FOXRED1: variants seen among roughly 807,000 people sequenced by gnomAD.
The protein encoded by FOXRED1 is FAD-dependent oxidoreductase domain-containing protein 1.
In FOXRED1, 52 loss-of-function variants were observed where a neutral mutation model predicts 57.8. The ratio of observed to expected loss-of-function variants is 0.90; its 90% CI spans 0.72 to 1.13. The LOEUF (loss-of-function observed/expected upper bound fraction) is 1.13. FOXRED1 is among the 50% of genes most tolerant of loss of function. The pLI is 0.00. For synonymous variants in FOXRED1, 271 were observed against 248.3 expected, an observed-to-expected ratio of 1.09 and a Z score of -0.86; for missense variants, 589 against 625.2, an observed-to-expected ratio of 0.94 and a Z score of 0.62.
chr11:126,269,185 A>G lies in FOXRED1; in HGVS notation c.-22A>G. ...AGCGAGGCAGCAGTGCAGCTTTCAG[A>G]GGGTCCGGGCTCAGAGGGGTTATGA... On this transcript the variant is annotated 5_prime_UTR_variant, in exon 1 of 11. Transcript: ENST00000263578. The G allele has an allele frequency of 6.3e-7, 1 of 1,582,790 alleles. No homozygotes were observed. Among genetic ancestry groups the G allele is most frequent in the Non-Finnish European group, 8.7e-7 (1 of 1,152,346 alleles).
At chr11:126,276,251 G>A (rs1951132963) in intron 8 of FOXRED1, 32 bp downstream of exon 8, 2 of 1,571,368 alleles carry the variant, frequency 1.3e-6, no homozygotes, top group Non-Finnish European at 1.7e-6. Context: ...GAGGAGGTTG[G>A]TGAGAAAGAA....
rs1350690270 is a variant in FOXRED1 at position 126,275,317 on chromosome 11, CTTA to C, written c.632-8_632-6del. On this transcript the variant is annotated splice_region_variant and splice_polypyrimidine_tract_variant and intron_variant, in intron 5 of 10. Coordinates refer to ENST00000263578, the MANE Select transcript of FOXRED1 (RefSeq NM_017547.4). This position sits in a 1 kb window ranked among gnomAD's most constrained non-coding sequence, Gnocchi z 5.9. ...ATCCCTCTTTGTGAGTTCTCTTTTTCTTATCACAGGGATGGAGGACGAAGGTTG... is the reference window on the plus strand; with the variant it reads ...ATCCCTCTTTGTGAGTTCTCTTTTTCTCACAGGGATGGAGGACGAAGGTTG... 8 of 1,595,886 alleles carry C rather than the reference CTTA, an allele frequency of 5.0e-6. No individual in the cohort carries two copies. Among genetic ancestry groups the C allele is most frequent in the Middle Eastern group, 3.3e-4 (2 of 5,986 alleles).
intron 8 of FOXRED1, 67 bp downstream of exon 8, chr11:126,276,286 C>CGA: frequency 8.5e-7 from 1 of 1,173,484 alleles, no homozygotes; most frequent in Non-Finnish European, 1.2e-6. Flanking sequence ...AGTTGGATAG[C>CGA]GTGTGTGTGT....
chr11:126,269,158 A>C lies in FOXRED1; in HGVS notation c.-49A>C, dbSNP rs975816413. The C allele has an allele frequency of 6.3e-6, 9 of 1,418,660 alleles. No individual in the cohort carries two copies. Among genetic ancestry groups the C allele is most frequent in the Non-Finnish European group, 9.0e-6 (9 of 1,003,414 alleles). The allele number at this position is 1,418,660 out of a possible 1,614,324, so 87.9% of individuals were successfully genotyped here. On this transcript the variant is annotated 5_prime_UTR_variant, in exon 1 of 11. Transcript: ENST00000263578. ...GCGCGGAGCAGTGACGGCTGCGATAATAGCGAGGCAGCAGTGCAGCTTTCA... is the reference window on the plus strand; with the variant it reads ...GCGCGGAGCAGTGACGGCTGCGATACTAGCGAGGCAGCAGTGCAGCTTTCA...
Position 126,271,694 on chromosome 11 carries a change from A to G in FOXRED1, c.306+37A>G. On this transcript the variant is annotated intron_variant, in intron 2 of 10. Transcript: ENST00000263578. This position sits in a 1 kb window ranked among gnomAD's most constrained non-coding sequence, Gnocchi z 5.3. Reference sequence around the variant, plus strand: ...GGTAGGGCAGAGTCATGAGTGGGGCAAGAAAGATGACTCATTTTATTAAGG... The same window carrying G: ...GGTAGGGCAGAGTCATGAGTGGGGCGAGAAAGATGACTCATTTTATTAAGG... The G allele has an allele frequency of 6.6e-7, 1 of 1,505,698 alleles. No individual in the cohort carries two copies. Among genetic ancestry groups the G allele is most frequent in the Non-Finnish European group, 9.2e-7 (1 of 1,083,178 alleles). The allele number at this position is 1,505,698 out of a possible 1,614,324, so 93.3% of individuals were successfully genotyped here.
chr11:126,277,459 T>TA lies in FOXRED1; in HGVS notation c.1232dup (p.Tyr411Ter), dbSNP rs1466989240. ...GGTTCAGAGCGCCTGGGCCGGCTAT[T>TA]ACGACTACAACACCTTTGACCAGAA... Reference protein sequence around the residue: ...LKVQSAWAGYYDYNTFDQNGV... With the variant: ...LKVQSAWAGY The change falls in exon 11 of 11, where the codon TAC (tyrosine) becomes TAAC (stop). Residue 411 changes from tyrosine to a stop codon, truncating the protein, a stop_gained and frameshift_variant. Transcript: ENST00000263578. LOFTEE classifies it high-confidence loss of function. This position sits in a 1 kb window ranked among gnomAD's most constrained non-coding sequence, Gnocchi z 6.8. The TA allele has an allele frequency of 1.2e-6, 2 of 1,613,208 alleles. No individual in the cohort carries two copies. The highest frequency in any genetic ancestry group is 1.7e-6 in the Non-Finnish European group (2 of 1,180,024).
At chr11:126,276,311 G>GTA in intron 8 of FOXRED1, 83 bp from the exon 9 acceptor site, 2 of 1,437,398 alleles carry the variant, frequency 1.4e-6, no homozygotes, top group Non-Finnish European at 9.5e-7. Context: ...GTGTGTGTGT[G>GTA]TGTGGGGTGT....
chr11:126,276,377 C>G lies in FOXRED1; in HGVS notation c.972-17C>G, dbSNP rs369670355. On this transcript the variant is annotated splice_polypyrimidine_tract_variant and intron_variant, in intron 8 of 10. Transcript: ENST00000263578. ...CCATGCTGTTTCTGCAGTTCGTAACCGCACTGGTTGTGGCAGGTATGTGTA... is the reference window on the plus strand; with the variant it reads ...CCATGCTGTTTCTGCAGTTCGTAACGGCACTGGTTGTGGCAGGTATGTGTA... 2 of 1,041,832 alleles carry G rather than the reference C, an allele frequency of 1.9e-6. No individual in the cohort carries two copies. Among genetic ancestry groups the G allele is most frequent in the East Asian group, 1.0e-4 (1 of 9,960 alleles). The allele number at this position is 1,041,832 out of a possible 1,614,324, so 64.5% of individuals were successfully genotyped here. A position where few individuals can be genotyped will look rare whatever the true frequency, so the allele number is the denominator to read the frequency against.
Position 126,273,095 on chromosome 11 carries a change from T to C in FOXRED1, c.417+16T>C, listed in dbSNP as rs113976905. ...GAACATCAATGTAGGTGCAATGATA[T>C]CCGGGATGTTGGGGTGGTTACCCCT... is the stretch of plus-strand genomic sequence containing the variant. On this transcript the variant is annotated intron_variant, in intron 3 of 10. Coordinates refer to ENST00000263578, the MANE Select transcript of FOXRED1 (RefSeq NM_017547.4). The surrounding 1 kb of genome is among the most constrained non-coding windows in gnomAD (Gnocchi z 5.9). The C allele has an allele frequency of 0.042, 57,817 of 1,383,580 alleles. 1,480 individuals carry two copies. Among genetic ancestry groups the C allele is most frequent in the Non-Finnish European group, 0.046 (44,712 of 969,320 alleles). The allele number at this position is 1,383,580 out of a possible 1,614,324, so 85.7% of individuals were successfully genotyped here.
At position 126,271,620 on chromosome 11, in the gene FOXRED1, G is replaced by A. The variant is rs535744670; in HGVS notation, c.269G>A (p.Gly90Asp). The stretch of plus-strand genomic sequence containing the variant: ...CTGAAGAAGCTGGAGAGCAGACGAG[G>A]TGCTATTCGAGTGCTAGTGGTGGAA... ...YWLKKLESRR[G>D]AIRVLVVERD... is the part of the protein sequence containing the mutation. The change falls in exon 2 of 11, where the codon GGT (glycine) becomes GAT (aspartate). Residue 90 changes from glycine (G) to aspartate (D), a missense_variant. Gly to Asp is a moderately conservative substitution (Grantham distance 94). Coordinates refer to ENST00000263578, the MANE Select transcript of FOXRED1 (RefSeq NM_017547.4). The surrounding 1 kb of genome is among the most constrained non-coding windows in gnomAD (Gnocchi z 5.3). 1.2e-6 allele frequency: 2 copies of A among 1,614,136 alleles called. No individual in the cohort carries two copies. Among genetic ancestry groups the A allele is most frequent in the South Asian group, 2.2e-5 (2 of 91,082 alleles).
chr11:126,275,829 G>C lies in FOXRED1; in HGVS notation c.769G>C (p.Asp257His), dbSNP rs1430307744. The C allele has an allele frequency of 6.2e-7, 1 of 1,613,380 alleles. No individual in the cohort carries two copies. Among genetic ancestry groups the C allele is most frequent in the South Asian group, 1.1e-5 (1 of 91,076 alleles). Residue 257 changes from aspartate to histidine, a missense_variant, in exon 7 of 11, where the codon GAT (aspartate) becomes CAT (histidine). By Grantham distance (81) the Asp-to-His change is moderately conservative. Transcript: ENST00000263578. The surrounding 1 kb of genome is among the most constrained non-coding windows in gnomAD (Gnocchi z 5.9). ...TTCATCTCAACGCATGTTGACCACA[G>C]ATGACAAAGCGGTGGTCTTGAAAAG... The part of the protein sequence containing the change: ...VSSSQRMLTT[D>H]DKAVVLKRIH...
At position 126,271,724 on chromosome 11, in the gene FOXRED1, T is replaced by G; in HGVS notation, c.306+67T>G. 1 of 1,277,504 alleles carries G rather than the reference T, an allele frequency of 7.8e-7. No homozygotes were observed. Among genetic ancestry groups the G allele is most frequent in the Non-Finnish European group, 1.1e-6 (1 of 880,362 alleles). 79.1% of individuals were successfully genotyped at this position (1,277,504 alleles called of 1,614,324 possible). A position where few individuals can be genotyped will look rare whatever the true frequency, so the allele number is the denominator to read the frequency against. On this transcript the variant is annotated intron_variant, in intron 2 of 10. Coordinates refer to ENST00000263578, the MANE Select transcript of FOXRED1 (RefSeq NM_017547.4). The surrounding 1 kb of genome is among the most constrained non-coding windows in gnomAD (Gnocchi z 5.3). ...AGATGACTCATTTTATTAAGGACTCTAGCGACAAGGGAAGGAGAGGAGGGG... is the reference window on the plus strand; with the variant it reads ...AGATGACTCATTTTATTAAGGACTCGAGCGACAAGGGAAGGAGAGGAGGGG...
In FOXRED1 at chr11:126,273,502, G is replaced by C. The variant is rs1272410105; in HGVS notation, c.536+48G>C. On this transcript the variant is annotated intron_variant, in intron 4 of 10. Coordinates refer to ENST00000263578, the MANE Select transcript of FOXRED1 (RefSeq NM_017547.4). This position sits in a 1 kb window ranked among gnomAD's most constrained non-coding sequence, Gnocchi z 5.9. The stretch of plus-strand genomic sequence containing the variant: ...TAGCTGCTTGGCAGCCAAAGGTGTT[G>C]GGTGACTCCTGCACCAGGTTAGGAA... The C allele has an allele frequency of 1.6e-6, 2 of 1,240,324 alleles. No homozygotes were observed. Among genetic ancestry groups the C allele is most frequent in the East Asian group, 2.3e-5 (1 of 43,194 alleles). The allele number at this position is 1,240,324 out of a possible 1,614,324, so 76.8% of individuals were successfully genotyped here.
At position 126,277,170 on chromosome 11, in the gene FOXRED1, C is replaced by A; in HGVS notation, c.1201C>A (p.Leu401Met). ...LALRVPAFET[L>M]KVQSAWAGYY... Reference sequence around the variant, plus strand: ...CCTGAGGGTCCCAGCTTTTGAGACTCTGAAGGTAACTGGCAAGGGCTGGTT... The same window carrying A: ...CCTGAGGGTCCCAGCTTTTGAGACTATGAAGGTAACTGGCAAGGGCTGGTT... Residue 401 changes from leucine (L) to methionine (M), a missense_variant, in exon 10 of 11, where the codon CTG becomes ATG. By Grantham distance (15) the Leu-to-Met change is conservative. Coordinates refer to ENST00000263578, the MANE Select transcript of FOXRED1 (RefSeq NM_017547.4). The surrounding 1 kb of genome is among the most constrained non-coding windows in gnomAD (Gnocchi z 6.8). The A allele has an allele frequency of 6.3e-7, 1 of 1,583,920 alleles. No homozygotes were observed. Among genetic ancestry groups the A allele is most frequent in the East Asian group, 2.2e-5 (1 of 44,728 alleles).
In FOXRED1 at chr11:126,275,210, G is replaced by T; in HGVS notation, c.632-117G>T. ...AGGCTTTGTCTCTGTGGTTCAGTTG[G>T]TTAAGATGACCTTCCCCGGCTTACA... On this transcript the variant is annotated intron_variant, in intron 5 of 10. Coordinates refer to ENST00000263578, the MANE Select transcript of FOXRED1 (RefSeq NM_017547.4). The surrounding 1 kb of genome is among the most constrained non-coding windows in gnomAD (Gnocchi z 5.9). 1.1e-6 allele frequency: 1 copy of T among 886,664 alleles called. No homozygotes were observed. The highest frequency in any genetic ancestry group is 1.9e-6 in the Non-Finnish European group (1 of 533,066). 54.9% of individuals were successfully genotyped at this position (886,664 alleles called of 1,614,324 possible).
At position 126,277,440 on chromosome 11, in the gene FOXRED1, G is replaced by C. The variant is rs374680615; in HGVS notation, c.1212G>C (p.Gln404His). The change falls in exon 11 of 11, where the codon CAG becomes CAC. Residue 404 changes from glutamine to histidine, a missense_variant. Transcript: ENST00000263578. This position sits in a 1 kb window ranked among gnomAD's most constrained non-coding sequence, Gnocchi z 6.8. ...AGTGTTTTGTGCACCCGCAGGTTCA[G>C]AGCGCCTGGGCCGGCTATTACGACT... ...RVPAFETLKV[Q>H]SAWAGYYDYN... 3 of 1,612,950 alleles carry C rather than the reference G, an allele frequency of 1.9e-6. No homozygotes were observed. The highest frequency in any genetic ancestry group is 2.5e-6 in the Non-Finnish European group (3 of 1,179,980).
chr11:126,276,322 G>GTGTGT, intron 8 of FOXRED1, 72 bp from the exon 9 acceptor site: 2 of 502,894 alleles, frequency 4.0e-6, no homozygotes, highest in Non-Finnish European at 5.4e-6. Context: ...TGTGGGGTGT[G>GTGTGT]GGGTGGACAG....
rs761534987 is a variant in FOXRED1, at chr11:126,277,833, A to G, written c.*144A>G. 2.2e-6 allele frequency: 2 copies of G among 901,590 alleles called. No homozygotes were observed. Among genetic ancestry groups the G allele is most frequent in the South Asian group, 2.7e-5 (2 of 74,466 alleles). 55.8% of individuals were successfully genotyped at this position (901,590 alleles called of 1,614,324 possible). On this transcript the variant is annotated 3_prime_UTR_variant, in exon 11 of 11. Transcript: ENST00000263578. The surrounding 1 kb of genome is among the most constrained non-coding windows in gnomAD (Gnocchi z 6.8). ...TCCTCTCAGGCAGGCCATTGCACCC[A>G]TATGGCTGGGCAGGCACAGGCAGTG...
In FOXRED1 at chr11:126,275,561, C is replaced by T. The variant is rs1337400237; in HGVS notation, c.733+133C>T. Reference sequence around the variant, plus strand: ...GAGAGCAGGTCCTAGGCATCTTGACCTGGGCTCCTCACTGATCTGCGTTGT... The same window carrying T: ...GAGAGCAGGTCCTAGGCATCTTGACTTGGGCTCCTCACTGATCTGCGTTGT... On this transcript the variant is annotated intron_variant, in intron 6 of 10. Coordinates refer to ENST00000263578, the MANE Select transcript of FOXRED1 (RefSeq NM_017547.4). This position sits in a 1 kb window ranked among gnomAD's most constrained non-coding sequence, Gnocchi z 5.9. 5.3e-6 allele frequency: 4 copies of T among 756,064 alleles called. No homozygotes were observed. Among genetic ancestry groups the T allele is most frequent in the Non-Finnish European group, 9.5e-6 (4 of 422,052 alleles). 46.8% of individuals were successfully genotyped at this position (756,064 alleles called of 1,614,324 possible). A position where few individuals can be genotyped will look rare whatever the true frequency, so the allele number is the denominator to read the frequency against.
Sources: allele counts gnomAD v4.1 joint callset, GRCh38; gene constraint gnomAD v4.1.1; non-coding constraint Gnocchi (gnomAD v3.1); transcripts MANE v1.5; gene names NCBI Gene and HGNC (gene_info 2026-07-23, HGNC 2026-07-21).